The following BCAR1 variants were observed in gnomAD, a reference collection of about 807,000 sequenced individuals.
BCAR1 encodes the protein BCAR1 scaffold protein, Cas family member.
In BCAR1, 30 loss-of-function variants were observed where a neutral mutation model predicts 67.6. That is an observed-to-expected ratio of 0.44 (90% CI 0.33 to 0.60). The LOEUF is 0.60. Ranked by LOEUF, BCAR1 falls within the 20% of genes least tolerant of loss-of-function variation. The pLI is 0.02. For missense variants in BCAR1, 1,313 were observed against 1,222.3 expected (o/e 1.07, Z -1.11); for synonymous variants, 626 against 556.7 (o/e 1.12, Z -1.75).
chr16:75,263,173 C>G, intron 1 of BCAR1: 1 of 980,646 alleles, frequency 1.0e-6, no homozygotes, highest in Non-Finnish European at 1.2e-6. Context: ...TGGCCACACT[C>G]ACTTCACAGA....
intron 1 of BCAR1, among the ~76,000 whole-genome samples, chr16:75,260,461 G>A (rs964556572): frequency 1.3e-5 from 2 of 151,890 alleles, no homozygotes; most frequent in Non-Finnish European, 1.5e-5. Context: ...TGGTGAAACC[G>A]TGTCTCTACT....
intron 1 of BCAR1, chr16:75,248,444 C>T (rs1460019734): frequency 3.2e-6 from 3 of 932,018 alleles, no homozygotes; most frequent in Non-Finnish European, 4.1e-6. Flanking sequence ...TAAGCATGCG[C>T]CCAACTGGCC....
rs762714764 is a variant in BCAR1 at position 75,229,929 on chromosome 16, C to A, written c.2195G>T (p.Arg732Leu). The stretch of plus-strand genomic sequence containing the variant: ...GTCCGAGGGCCCCAGGCCGCCTGTT[C>A]GCCCCGGGGCCAGGGGTTGGGCTGG... ...WTPAQPLAPGRTGGLGPSDRQ... is the reference protein window; with the variant it reads ...WTPAQPLAPGLTGGLGPSDRQ... The change falls in exon 7 of 7, where the codon CGA becomes CTA. Residue 732 changes from arginine (R) to leucine (L), a missense_variant. Arg to Leu is a moderately radical substitution (Grantham distance 102). Coordinates refer to ENST00000162330, the MANE Select transcript of BCAR1 (RefSeq NM_014567.5). 9.5e-5 allele frequency: 153 copies of A among 1,605,586 alleles called. 1 individual carries two copies. Among genetic ancestry groups the A allele is most frequent in the Non-Finnish European group, 1.3e-4 (151 of 1,174,220 alleles).
intron 1 of BCAR1, among the ~76,000 whole-genome samples, chr16:75,259,149 T>G (rs35091778): frequency 6.6e-6 from 1 of 152,068 alleles, no homozygotes; most frequent in African/African-American, 2.4e-5. Context: ...CTAGGACACC[T>G]GGTGAGGTCT....
At chr16:75,250,997 C>A (rs1219411764) in intron 1 of BCAR1, 7 of 986,086 alleles carry the variant, frequency 7.1e-6, no homozygotes, top group Non-Finnish European at 8.4e-6. Context: ...TGGCGCCACG[C>A]ACTTGCCCGC....
chr16:75,265,847 G>T (rs1249317919), intron 1 of BCAR1: 2 of 1,177,412 alleles, frequency 1.7e-6, no homozygotes, highest in Non-Finnish European at 2.1e-6. Flanking sequence ...CTTGGCCGCC[G>T]CCCCCGGGGC....
Position 75,237,249 on chromosome 16 carries a change from C to T in BCAR1, c.729G>A (p.Pro243=), listed in dbSNP as rs751439766. ...EYDIPRHLLA[P]GPQDIYDVPP... is the part of the protein sequence containing the mutation. ...GCACATCATAGATGTCCTGTGGCCC[C>T]GGGGCCAGCAGGTGTCGCGGGATGT... The change falls in exon 3 of 7, where the codon CCG becomes CCA. Residue 243 remains proline, a synonymous_variant. Transcript: ENST00000162330. 5.2e-5 allele frequency: 80 copies of T among 1,532,148 alleles called. No homozygotes were observed. The highest frequency in any genetic ancestry group is 1.8e-4 in the Middle Eastern group (1 of 5,468). The allele number at this position is 1,532,148 out of a possible 1,614,324, so 94.9% of individuals were successfully genotyped here.
At chr16:75,264,485 A>G in intron 1 of BCAR1, 2 of 1,454,700 alleles carry the variant, frequency 1.4e-6, no homozygotes, top group South Asian at 1.4e-5. Flanking sequence ...GAAGAGAGGA[A>G]GGGCTTGGCA....
At chr16:75,234,309 G>A (rs759999982) in intron 5 of BCAR1, among the ~76,000 whole-genome samples, 17 of 152,004 alleles carry the variant, frequency 1.1e-4, no homozygotes, top group Non-Finnish European at 1.8e-4. Flanking sequence ...CCCTTTCACC[G>A]CCTGCCAGCT....
At chr16:75,231,031 T>C (rs554169487) in intron 6 of BCAR1, among the ~76,000 whole-genome samples, 3 of 128,728 alleles carry the variant, frequency 2.3e-5, no homozygotes, top group Non-Finnish European at 4.6e-5. Flanking sequence ...CTTTGTGGGG[T>C]TTTTTTTTTT....
rs746481236 is a variant in BCAR1, at chr16:75,242,515, C to T, written c.588G>A (p.Pro196=). 27 of 1,479,372 alleles carry T rather than the reference C, an allele frequency of 1.8e-5. No homozygotes were observed. The highest frequency in any genetic ancestry group is 1.8e-4 in the Admixed American group (7 of 39,444). 91.6% of individuals were successfully genotyped at this position (1,479,372 alleles called of 1,614,324 possible). A position where few individuals can be genotyped will look rare whatever the true frequency, so the allele number is the denominator to read the frequency against. The change falls in exon 2 of 7, where the codon CCG becomes CCA. Residue 196 remains proline, a synonymous_variant. Transcript: ENST00000162330. The part of the protein sequence containing the change: ...GMGHDIYQVP[P]SMDTRSWEGT... ...CCTCCCAGCTGCGTGTGTCCATGGA[C>T]GGGGGGACCTGGTAGATGTCATGCC...
intron 5 of BCAR1, 106 bp from the exon 6 acceptor site, chr16:75,234,041 GCGTGTGCGCGCACACACACGCACA>G: frequency 1.9e-6 from 2 of 1,037,632 alleles, no homozygotes; most frequent in Non-Finnish European, 2.9e-6. Flanking sequence ...AGGTGGTGCT[GCGTGTGCGCGCACACACACGCACA>G]CGTGGACGCA....
Position 75,235,743 on chromosome 16 carries a change from G to A in BCAR1, c.1156C>T (p.Leu386=). The A allele has an allele frequency of 1.3e-6, 2 of 1,598,282 alleles. No homozygotes were observed. The change falls in exon 5 of 7, where the codon CTG becomes TTG. Residue 386 remains leucine, a synonymous_variant. Coordinates refer to ENST00000162330, the MANE Select transcript of BCAR1 (RefSeq NM_014567.5). The part of the protein sequence containing the change: ...PGLRRPGPGT[L]YDVPRERVLP... The stretch of plus-strand genomic sequence containing the variant: ...ACCCGTTCACGGGGCACATCGTACA[G>A]GGTGCCCGGGCCAGGCCGCCGCAAG...
At chr16:75,253,009 C>T (rs2077710133), upstream of BCAR1, among the ~76,000 whole-genome samples, 2 of 152,218 alleles carry the variant, frequency 1.3e-5, no homozygotes, top group Admixed American at 6.5e-5. Context: ...CCAGAACTCA[C>T]AGCACAGCGG....
intron 1 of BCAR1, chr16:75,243,624 C>G (rs890446816): frequency 1.9e-5 from 8 of 422,488 alleles, no homozygotes; most frequent in South Asian, 1.2e-4. Context: ...CTTCAAACAC[C>G]TTCCCCAAGG....
chr16:75,232,229 C>A (rs148139942), intron 6 of BCAR1, among the ~76,000 whole-genome samples: 3 of 152,032 alleles, frequency 2.0e-5, no homozygotes, highest in Non-Finnish European at 2.9e-5. Flanking sequence ...GGCGCAATCT[C>A]GGCTCACTGC....
chr16:75,248,499 T>G (rs973171072), intron 1 of BCAR1: 1 of 334,406 alleles, frequency 3.0e-6, no homozygotes, highest in Non-Finnish European at 4.7e-6. Context: ...TCACCCCACT[T>G]GGTCCTGGCC....
chr16:75,252,197 G>A (rs1299553670), upstream of BCAR1: 12 of 1,536,196 alleles, frequency 7.8e-6, no homozygotes, highest in Admixed American at 9.8e-5. Flanking sequence ...GGAGGCTGGC[G>A]AGCTCTCGAC....
rs1290890777 is a variant in BCAR1, at chr16:75,228,192, T to C, written c.*1319A>G. 1.3e-5 allele frequency: 2 copies of C among 152,274 alleles called. No individual in the cohort carries two copies. Among genetic ancestry groups the C allele is most frequent in the Non-Finnish European group, 2.9e-5 (2 of 68,068 alleles). The allele number at this position is 152,274 out of a possible 1,614,324, so 9.4% of individuals were successfully genotyped here. On this transcript the variant is annotated 3_prime_UTR_variant, in exon 7 of 7. Transcript: ENST00000162330. Reference sequence around the variant, plus strand: ...CACAAATAAAGCCATTGAGAGCAACTGCATACACCTTTACCTCTGTGTCCT... The same window carrying C: ...CACAAATAAAGCCATTGAGAGCAACCGCATACACCTTTACCTCTGTGTCCT...
Sources: allele counts gnomAD v4.1 joint callset (sites outside exome capture counted in the v4.1 genomes callset), GRCh38; gene constraint gnomAD v4.1.1; transcripts MANE v1.5; gene names NCBI Gene and HGNC (gene_info 2026-07-23, HGNC 2026-07-21).